The following CEP128 variants were observed in gnomAD, a reference collection of about 807,000 sequenced individuals.
CEP128 encodes centrosomal protein 128kDa.
CEP128 carries 132 observed loss-of-function variants against 156.7 expected under a neutral mutation model. The observed-to-expected ratio is 0.84, with a 90% CI of 0.73 to 0.97. The LOEUF (loss-of-function observed/expected upper bound fraction) is 0.97, where lower values mean the gene tolerates loss of function less well. CEP128 is among the 50% of genes least tolerant of loss of function. The probability of loss-of-function intolerance (pLI) is 0.00; values close to 1 mark genes in which losing one functional copy is unlikely to be tolerated. For synonymous variants in CEP128, 469 were observed against 448.9 expected (o/e 1.04, Z -0.57); for missense variants, 1,252 against 1,281.9 (o/e 0.98, Z 0.36).
chr14:80,630,686 G>A (rs1893924131), intron 19 of CEP128, among the ~76,000 whole-genome samples: 1 of 151,978 alleles, frequency 6.6e-6, no homozygotes, highest in South Asian at 2.1e-4. Flanking sequence ...TTTCTGTTAA[G>A]TTCATATGAT....
At chr14:80,480,021 C>G (rs1425478384) in intron 14 of CEP128, among the ~76,000 whole-genome samples, 2 of 152,234 alleles carry the variant, frequency 1.3e-5, no homozygotes, top group Non-Finnish European at 2.9e-5. Context: ...CAGCTCCACT[C>G]TGTGGCTTTG....
At chr14:80,501,754 T>A (rs1444292641) in intron 24 of CEP128, among the ~76,000 whole-genome samples, 4 of 151,876 alleles carry the variant, frequency 2.6e-5, no homozygotes, top group African/African-American at 9.7e-5. Flanking sequence ...TCCGCCCACC[T>A]CGGCCTCCCA....
At chr14:80,620,956 A>G (rs1329201534) in intron 19 of CEP128, among the ~76,000 whole-genome samples, 1 of 152,216 alleles carries the variant, frequency 6.6e-6, no homozygotes, top group Non-Finnish European at 1.5e-5. Flanking sequence ...ATACACAAAT[A>G]GTAAAAGTAT....
intron 21 of CEP128, among the ~76,000 whole-genome samples, chr14:80,534,120 G>C (rs1183663295): frequency 6.6e-6 from 1 of 151,542 alleles, no homozygotes. Flanking sequence ...TATTTTTTGG[G>C]AGAAAAATGT....
At chr14:80,917,663 C>T (rs1464118301) in intron 2 of CEP128, among the ~76,000 whole-genome samples, 2 of 152,084 alleles carry the variant, frequency 1.3e-5, no homozygotes, top group African/African-American at 2.4e-5. Context: ...CTCAGCCTCC[C>T]GAGAAAACAT....
intron 19 of CEP128, among the ~76,000 whole-genome samples, chr14:80,734,796 T>A (rs1399090931): frequency 7.7e-6 from 1 of 130,288 alleles, no homozygotes; most frequent in East Asian, 2.2e-4. Context: ...TGCAATGAGC[T>A]GAGATCGCAC....
chr14:80,950,716 G>A (rs139263436), intron 2 of CEP128, among the ~76,000 whole-genome samples: 1 of 152,140 alleles, frequency 6.6e-6, no homozygotes, highest in African/African-American at 2.4e-5. Flanking sequence ...TGATAAGGGG[G>A]AAAATCATAG....
intron 19 of CEP128, among the ~76,000 whole-genome samples, chr14:80,689,191 C>T (rs1016967483): frequency 1.6e-4 from 23 of 146,066 alleles, no homozygotes; most frequent in African/African-American, 5.6e-4. Context: ...CCTGTATCTA[C>T]TAAAAATACA....
At chr14:80,495,863 T>TA (rs1887476082), downstream of CEP128, among the ~76,000 whole-genome samples, 1 of 152,178 alleles carries the variant, frequency 6.6e-6, no homozygotes, top group Non-Finnish European at 1.5e-5. Flanking sequence ...ACGAAGGAGA[T>TA]AAAATACTTT....
At chr14:80,778,072 GA>G (rs1900896602) in intron 15 of CEP128, 26 bp from the exon 16 acceptor site, 1 of 1,605,648 alleles carries the variant, frequency 6.2e-7, no homozygotes, top group Non-Finnish European at 8.5e-7. Context: ...GGAAAAAACA[GA>G]AAGTCCACTA....
chr14:80,914,725 T>C lies in CEP128; in HGVS notation c.148-317A>G, dbSNP rs566672282. 4.6e-5 allele frequency among the ~76,000 whole-genome samples: 7 copies of C among 152,258 alleles called. No homozygotes were observed. In the East Asian group the frequency reaches 1.3e-3, roughly 29 times the overall value. On this transcript the variant is annotated intron_variant, in intron 3 of 24. Transcript: ENST00000555265. ...TTTCAATTTGTGCCCCTCAACCAATTCACACCCTCTTTATAGAAAAGGAAT... is the reference window on the plus strand; with the variant it reads ...TTTCAATTTGTGCCCCTCAACCAATCCACACCCTCTTTATAGAAAAGGAAT...
rs74064287 is a variant in CEP128 at position 80,588,176 on chromosome 14, G to T, written c.2807-7753C>A. 7.8e-3 allele frequency among the ~76,000 whole-genome samples: 1,181 copies of T among 152,106 alleles called. 24 individuals are homozygous for T. The highest frequency in any genetic ancestry group is 0.027 in the African/African-American group (1,120 of 41,516). ...AAATTTTTAGTGAATTTTTTTTCTA[G>T]TTTCTGCAATTCTTACATTCTAAGA... On this transcript the variant is annotated intron_variant, in intron 19 of 24. Coordinates refer to ENST00000555265, the MANE Select transcript of CEP128 (RefSeq NM_152446.5).
At chr14:80,680,746 G>A (rs1407810193) in intron 19 of CEP128, among the ~76,000 whole-genome samples, 1 of 152,202 alleles carries the variant, frequency 6.6e-6, no homozygotes, top group Non-Finnish European at 1.5e-5. Flanking sequence ...AATTGGGGCT[G>A]AGGTTTCCCA....
chr14:80,674,072 GT>G (rs140431428), intron 19 of CEP128, among the ~76,000 whole-genome samples: 3,189 of 148,362 alleles, frequency 0.021, 122 homozygotes, highest in African/African-American at 0.073. Context: ...ATAATTCATA[GT>G]TTTTTTTTTT....
At chr14:80,724,952 T>C (rs1897958029) in intron 19 of CEP128, among the ~76,000 whole-genome samples, 1 of 147,844 alleles carries the variant, frequency 6.8e-6, no homozygotes, top group Non-Finnish European at 1.5e-5. Flanking sequence ...ATATCATACA[T>C]TTATATATAA....
chr14:80,932,639 G>T lies in CEP128; in HGVS notation c.-16+6746C>A, dbSNP rs188015986. Among the ~76,000 whole-genome samples the T allele has an allele frequency of 9.9e-5, 15 of 152,236 alleles. No individual in the cohort carries two copies. The East Asian group carries it at 2.5e-3, about 25-fold the overall frequency. ...TCACTGTCTCCCATGACCCCAAGAC[G>T]GGACTGTCTAGTTGCAGGAAAAAAA... On this transcript the variant is annotated intron_variant, in intron 2 of 24. Transcript: ENST00000555265.
intron 21 of CEP128, among the ~76,000 whole-genome samples, chr14:80,555,208 G>A (rs1398338301): frequency 6.6e-6 from 1 of 152,050 alleles, no homozygotes; most frequent in Non-Finnish European, 1.5e-5. Context: ...GCTTTGAAAT[G>A]GAACAAAAAC....
At chr14:80,706,220 T>C (rs542754898) in intron 19 of CEP128, among the ~76,000 whole-genome samples, 1 of 152,142 alleles carries the variant, frequency 6.6e-6, no homozygotes, top group Non-Finnish European at 1.5e-5. Context: ...AATCTTAATC[T>C]ACCTGTTTTC....
intron 19 of CEP128, among the ~76,000 whole-genome samples, chr14:80,591,053 A>G (rs1017363722): frequency 3.9e-5 from 6 of 152,336 alleles, no homozygotes; most frequent in Admixed American, 6.5e-5. Flanking sequence ...CTGCAAAAAC[A>G]TACCAAATAG....
Sources: allele counts gnomAD v4.1 joint callset (sites outside exome capture counted in the v4.1 genomes callset), GRCh38; gene constraint gnomAD v4.1.1; transcripts MANE v1.5; gene names NCBI Gene and HGNC (gene_info 2026-07-23, HGNC 2026-07-21).